Variants in MERTK observed in about 807,000 individuals in gnomAD.
The protein encoded by MERTK is tyrosine-protein kinase Mer.
MERTK carries 69 observed loss-of-function variants against 99.3 expected under a neutral mutation model. The ratio of observed to expected loss-of-function variants is 0.70; its 90% CI spans 0.57 to 0.85. The LOEUF (loss-of-function observed/expected upper bound fraction) is 0.85. Among genes scored for constraint, MERTK ranks in the 40% least tolerant of loss-of-function variants. The pLI is 0.00. For synonymous variants in MERTK, 426 were observed against 467.6 expected (o/e 0.91, Z 1.15); for missense variants, 1,125 against 1,249.4 (o/e 0.90, Z 1.50).
At position 112,022,241 on chromosome 2, in the gene MERTK, T is replaced by G; in HGVS notation, c.2350-17T>G. On this transcript the variant is annotated splice_polypyrimidine_tract_variant and intron_variant, in intron 17 of 18. Coordinates refer to ENST00000295408, the MANE Select transcript of MERTK (RefSeq NM_006343.3). ...TGGAAAGGCTTGCATCCTAACTTGT[T>G]GTTGCTTTGTTCCCAGTGGGCATTT... The G allele has an allele frequency of 6.2e-7, 1 of 1,614,258 alleles. No homozygotes were observed.
At chr2:112,015,155 G>C (rs904427903) in intron 15 of MERTK, among the ~76,000 whole-genome samples, 14 of 152,174 alleles carry the variant, frequency 9.2e-5, no homozygotes, top group Non-Finnish European at 1.5e-4. Flanking sequence ...TTCATGTACA[G>C]ATTTGTGGAT....
Position 111,997,462 on chromosome 2 carries a change from G to A in MERTK, c.1590G>A (p.Gln530=), listed in dbSNP as rs750694904. The A allele has an allele frequency of 6.2e-7, 1 of 1,614,008 alleles. No individual in the cohort carries two copies. ...CCTTGGCCATCAGAAAAAGAGTCCA[G>A]GAGACAAAGTTTGGGTAAGTCTCCC... ...YISLAIRKRV[Q]ETKFGNAFTE... The change falls in exon 10 of 19, where the codon CAG becomes CAA. Residue 530 remains glutamine, a synonymous_variant. Coordinates refer to ENST00000295408, the MANE Select transcript of MERTK (RefSeq NM_006343.3).
intron 15 of MERTK, among the ~76,000 whole-genome samples, chr2:112,017,233 C>G (rs1162841960): frequency 6.6e-6 from 1 of 152,104 alleles, no homozygotes; most frequent in Non-Finnish European, 1.5e-5. Context: ...CTGATTGGTG[C>G]ATTTACAGTC....
intron 18 of MERTK, among the ~76,000 whole-genome samples, chr2:112,026,457 G>A (rs1677462639): frequency 6.6e-6 from 1 of 152,116 alleles, no homozygotes; most frequent in Non-Finnish European, 1.5e-5. Context: ...ATCTTAGATG[G>A]CAAACAATCA....
At chr2:111,952,754 G>A (rs768311413) in intron 4 of MERTK, 2 of 152,112 alleles carry the variant, frequency 1.3e-5, no homozygotes, top group Admixed American at 6.5e-5. Flanking sequence ...CTTTAGGAGG[G>A]ATATCTAAAT....
intron 14 of MERTK, among the ~76,000 whole-genome samples, chr2:112,009,458 T>C (rs1177127859): frequency 6.6e-6 from 1 of 152,208 alleles, no homozygotes; most frequent in Non-Finnish European, 1.5e-5. Flanking sequence ...TTCAAAGTTA[T>C]TGTAATAGTT....
intron 2 of MERTK, among the ~76,000 whole-genome samples, chr2:111,936,065 C>T (rs934545860): frequency 6.6e-5 from 10 of 151,964 alleles, no homozygotes; most frequent in African/African-American, 1.7e-4. Context: ...TACAGGCGCC[C>T]GCCACCATGC....
intron 8 of MERTK, among the ~76,000 whole-genome samples, chr2:111,991,280 T>C (rs1018058097): frequency 5.3e-5 from 8 of 152,316 alleles, no homozygotes; most frequent in East Asian, 1.9e-4. Flanking sequence ...GGCTGGAGTG[T>C]GGTGGCGTGA....
At chr2:111,950,476 T>G (rs1685034592) in intron 4 of MERTK, among the ~76,000 whole-genome samples, 1 of 152,182 alleles carries the variant, frequency 6.6e-6, no homozygotes, top group Admixed American at 6.5e-5. Context: ...TACCAAATGG[T>G]TTTCCAAAGT....
At chr2:111,950,361 G>T (rs2104707198) in intron 4 of MERTK, among the ~76,000 whole-genome samples, 1 of 152,340 alleles carries the variant, frequency 6.6e-6, no homozygotes, top group Middle Eastern at 3.4e-3. Flanking sequence ...AAGCAGCTAT[G>T]AATATTTGAG....
At chr2:111,950,491 G>A (rs1249370468) in intron 4 of MERTK, among the ~76,000 whole-genome samples, 1 of 152,182 alleles carries the variant, frequency 6.6e-6, no homozygotes, top group East Asian at 1.9e-4. Flanking sequence ...CAAAGTGATT[G>A]TGCCATCTTT....
intron 6 of MERTK, among the ~76,000 whole-genome samples, chr2:111,974,422 A>G (rs944667692): frequency 1.3e-5 from 2 of 151,562 alleles, no homozygotes; most frequent in African/African-American, 4.8e-5. Flanking sequence ...ATAAAATAAA[A>G]TAAAGTTAGC....
rs568186322 is a variant in MERTK, at chr2:111,918,852, G to A, written c.62-10268G>A. 2.6e-5 allele frequency among the ~76,000 whole-genome samples: 4 copies of A among 152,068 alleles called. 1 individual carries two copies. In the South Asian group the frequency reaches 6.2e-4, roughly 24 times the overall value. The stretch of plus-strand genomic sequence containing the variant: ...TCTTGGAGAGAAAACAGGTACTGAA[G>A]TAGAGAATTCAGGTACTGGTGAGCT... On this transcript the variant is annotated intron_variant, in intron 1 of 18. Coordinates refer to ENST00000295408, the MANE Select transcript of MERTK (RefSeq NM_006343.3).
At chr2:112,017,587 G>A (rs561960501) in intron 15 of MERTK, among the ~76,000 whole-genome samples, 7 of 151,782 alleles carry the variant, frequency 4.6e-5, no homozygotes, top group East Asian at 1.9e-4. Context: ...CTCAGATCGC[G>A]CCACTGCACC....
chr2:112,019,078 C>T (rs1397522554), intron 15 of MERTK, among the ~76,000 whole-genome samples: 1 of 152,076 alleles, frequency 6.6e-6, no homozygotes, highest in Non-Finnish European at 1.5e-5. Context: ...TTTCCCTCCT[C>T]TGTGCAATGC....
chr2:111,930,731 G>T (rs895851649), intron 2 of MERTK, among the ~76,000 whole-genome samples: 2 of 152,174 alleles, frequency 1.3e-5, no homozygotes, highest in Non-Finnish European at 2.9e-5. Flanking sequence ...GCTAAGCCAG[G>T]ACTTATATCT....
intron 1 of MERTK, among the ~76,000 whole-genome samples, chr2:111,907,345 C>T (rs780455913): frequency 7.2e-5 from 11 of 152,192 alleles, no homozygotes; most frequent in African/African-American, 1.4e-4. Context: ...ACCCAGGAGG[C>T]GGAGGTTGCA....
intron 1 of MERTK, among the ~76,000 whole-genome samples, chr2:111,910,825 T>G (rs1219535201): frequency 1.3e-5 from 2 of 152,026 alleles, no homozygotes; most frequent in African/African-American, 4.8e-5. Context: ...CAAAGGTTAC[T>G]AGGGCCTGGA....
chr2:111,908,450 G>A (rs1345306747), intron 1 of MERTK, among the ~76,000 whole-genome samples: 6 of 152,060 alleles, frequency 3.9e-5, no homozygotes, highest in Admixed American at 6.6e-5. Flanking sequence ...GTCCCCGGTC[G>A]TTCCTCTCTC....
Sources: gnomAD v4.1 joint callset for allele counts (sites outside exome capture counted in the v4.1 genomes callset) on GRCh38, gnomAD v4.1.1 for gene constraint, MANE v1.5 for transcripts, NCBI Gene and HGNC (gene_info 2026-07-23, HGNC 2026-07-21) for gene names.